Variants in SLC8A2 observed in about 807,000 individuals in gnomAD.
SLC8A2 encodes the protein sodium/calcium exchanger 2.
A neutral mutation model predicts 70.2 loss-of-function variants in SLC8A2; 14 were observed. The ratio of observed to expected loss-of-function variants is 0.20; its 90% CI spans 0.13 to 0.31. SLC8A2 has a LOEUF of 0.31. Ranked by LOEUF, SLC8A2 falls within the 10% of genes least tolerant of loss-of-function variation. The pLI, the probability that SLC8A2 is intolerant of heterozygous loss-of-function variation, is 1.00. For synonymous variants in SLC8A2, 575 were observed against 594.3 expected, an observed-to-expected ratio of 0.97 and a Z score of 0.47; for missense variants, 779 against 1,320.1, an observed-to-expected ratio of 0.59 and a Z score of 6.35.
rs762328000 is a variant in SLC8A2 at position 47,441,154 on chromosome 19, G to T, written c.1885+15C>A. 3.1e-6 allele frequency: 5 copies of T among 1,613,472 alleles called. No homozygotes were observed. The highest frequency in any genetic ancestry group is 3.4e-6 in the Non-Finnish European group (4 of 1,179,486). ...GGCTCCTCCCCACTCAGAGCCCAGA[G>T]GTGACTTCACTCACCTTGATTGAGT... On this transcript the variant is annotated intron_variant, in intron 6 of 9. Coordinates refer to ENST00000236877, the MANE Select transcript of SLC8A2 (RefSeq NM_015063.3).
intron 3 of SLC8A2, 49 bp downstream of exon 3, chr19:47,456,881 C>T: frequency 1.3e-6 from 2 of 1,510,950 alleles, no homozygotes; most frequent in Non-Finnish European, 1.8e-6. Flanking sequence ...ACGGCGGGAC[C>T]CACGGCCTGC....
intron 6 of SLC8A2, among the ~76,000 whole-genome samples, chr19:47,438,668 A>G (rs1006966253): frequency 6.6e-6 from 1 of 152,056 alleles, no homozygotes; most frequent in Non-Finnish European, 1.5e-5. Context: ...TGTGGCCCCA[A>G]ATGGAAGCCT....
Position 47,470,851 on chromosome 19 carries a change from G to A in SLC8A2, c.-17+938C>T, listed in dbSNP as rs116544767. 2.6e-3 allele frequency among the ~76,000 whole-genome samples: 401 copies of A among 152,218 alleles called. 1 individual carries two copies. Among genetic ancestry groups the A allele is most frequent in the African/African-American group, 9.0e-3 (372 of 41,526 alleles). On this transcript the variant is annotated intron_variant, in intron 1 of 9. Coordinates refer to ENST00000236877, the MANE Select transcript of SLC8A2 (RefSeq NM_015063.3). ...CAGGGGGAGGTGGGCTCGGTCCTCA[G>A]GGGAGAGCTGGGGTGGGTGCCGGCT...
In SLC8A2 at chr19:47,447,401, G is replaced by C; in HGVS notation, c.1763+408C>G. The C allele has an allele frequency of 4.3e-6, 1 of 233,110 alleles. No homozygotes were observed. Among genetic ancestry groups the C allele is most frequent in the South Asian group, 5.6e-5 (1 of 17,888 alleles). The allele number at this position is 233,110 out of a possible 1,614,324, so 14.4% of individuals were successfully genotyped here. ...GCCCCGTCCCATCTCTCCTCACCTC[G>C]TCCCCCCTTCCTCCTTGGGGCCCTC... On this transcript the variant is annotated intron_variant, in intron 4 of 9. Coordinates refer to ENST00000236877, the MANE Select transcript of SLC8A2 (RefSeq NM_015063.3). This position sits in a 1 kb window ranked among gnomAD's most constrained non-coding sequence, Gnocchi z 5.1.
In SLC8A2 at chr19:47,429,993, C is replaced by G. The variant is rs917161972; in HGVS notation, c.*96G>C. ...GAGGCCGAGTCCCAGGAGAGGAGGC[C>G]GAGTCTGGGGGGAAAAGGAGACCAG... On this transcript the variant is annotated 3_prime_UTR_variant, in exon 10 of 10. Transcript: ENST00000236877. 7.6e-7 allele frequency: 1 copy of G among 1,318,844 alleles called. No homozygotes were observed. The allele number at this position is 1,318,844 out of a possible 1,614,324, so 81.7% of individuals were successfully genotyped here.
chr19:47,447,537 C>G lies in SLC8A2; in HGVS notation c.1763+272G>C. On this transcript the variant is annotated intron_variant, in intron 4 of 9. Coordinates refer to ENST00000236877, the MANE Select transcript of SLC8A2 (RefSeq NM_015063.3). This position sits in a 1 kb window ranked among gnomAD's most constrained non-coding sequence, Gnocchi z 5.1. Reference sequence around the variant, plus strand: ...CAGCACACCTAGGCCCCGCCCCTCCCGAGGCCAAGCCCACTTTGGAGAACG... The same window carrying G: ...CAGCACACCTAGGCCCCGCCCCTCCGGAGGCCAAGCCCACTTTGGAGAACG... 1 of 476,704 alleles carries G rather than the reference C, an allele frequency of 2.1e-6. No individual in the cohort carries two copies. The highest frequency in any genetic ancestry group is 2.6e-5 in the South Asian group (1 of 39,088). 29.5% of individuals were successfully genotyped at this position (476,704 alleles called of 1,614,324 possible).
rs749167087 is a variant in SLC8A2, at chr19:47,448,282, T to G, written c.1341-51A>C. Reference sequence around the variant, plus strand: ...AGCGGGGTGAGGGTCGGTCATCGGCTGTGTGTTGTACGGGGGGAGTCTGGA... The same window carrying G: ...AGCGGGGTGAGGGTCGGTCATCGGCGGTGTGTTGTACGGGGGGAGTCTGGA... On this transcript the variant is annotated intron_variant, in intron 3 of 9. Transcript: ENST00000236877. This position sits in a 1 kb window ranked among gnomAD's most constrained non-coding sequence, Gnocchi z 4.8. 1 of 1,446,682 alleles carries G rather than the reference T, an allele frequency of 6.9e-7. No individual in the cohort carries two copies. Among genetic ancestry groups the G allele is most frequent in the Non-Finnish European group, 9.4e-7 (1 of 1,059,268 alleles). The allele number at this position is 1,446,682 out of a possible 1,614,324, so 89.6% of individuals were successfully genotyped here.
chr19:47,463,423 G>A (rs1344503930), intron 2 of SLC8A2, among the ~76,000 whole-genome samples: 1 of 146,714 alleles, frequency 6.8e-6, no homozygotes, highest in Non-Finnish European at 1.5e-5. Flanking sequence ...GTGAGCCACA[G>A]CACCCGGCCC....
At chr19:47,438,565 C>T (rs542619124) in intron 6 of SLC8A2, among the ~76,000 whole-genome samples, 13 of 152,040 alleles carry the variant, frequency 8.6e-5, no homozygotes, top group South Asian at 2.1e-4. Context: ...GTCCTGAGCT[C>T]GCTTCTCTCC....
rs768194434 is a variant in SLC8A2 at position 47,437,574 on chromosome 19, G to A, written c.2011-13C>T. On this transcript the variant is annotated splice_polypyrimidine_tract_variant and intron_variant, in intron 7 of 9. Transcript: ENST00000236877. ...TATCCACCGTGTTCTGGGGATGAGA[G>A]GGTGGGGGAGAGGTCACTGCCCCTG... 4 of 1,597,232 alleles carry A rather than the reference G, an allele frequency of 2.5e-6. No individual in the cohort carries two copies. Among genetic ancestry groups the A allele is most frequent in the African/African-American group, 1.3e-5 (1 of 74,588 alleles).
chr19:47,467,051 C>T (rs548089333), intron 1 of SLC8A2, among the ~76,000 whole-genome samples: 2 of 152,228 alleles, frequency 1.3e-5, no homozygotes, highest in African/African-American at 4.8e-5. Flanking sequence ...AGTGAGACTT[C>T]ATCTCAAATA....
intron 3 of SLC8A2, among the ~76,000 whole-genome samples, chr19:47,453,640 C>A (rs1967270491): frequency 6.6e-6 from 1 of 152,186 alleles, no homozygotes; most frequent in South Asian, 2.1e-4. Flanking sequence ...GTGGCTCACA[C>A]CTGTAATCCC....
At chr19:47,470,536 C>T (rs1404314369) in intron 1 of SLC8A2, among the ~76,000 whole-genome samples, 1 of 152,116 alleles carries the variant, frequency 6.6e-6, no homozygotes, top group Non-Finnish European at 1.5e-5. Flanking sequence ...GAGGCTGGCA[C>T]ACCAGGAAAG....
At position 47,447,892 on chromosome 19, in the gene SLC8A2, G is replaced by C; in HGVS notation, c.1680C>G (p.Arg560=). 1 of 1,591,014 alleles carries C rather than the reference G, an allele frequency of 6.3e-7. No homozygotes were observed. Among genetic ancestry groups the C allele is most frequent in the Non-Finnish European group, 8.5e-7 (1 of 1,171,326 alleles). The stretch of plus-strand genomic sequence containing the variant: ...CGCCGCGCGCCGTGCCGTCCACCGT[G>C]CGGTAGGGAAGGCGCACGGTGCCGC... The part of the protein sequence containing the change: ...GARGTVRLPY[R]TVDGTARGGG... Residue 560 remains arginine (R), a synonymous_variant, in exon 4 of 10, where the codon CGC becomes CGG. Transcript: ENST00000236877. The surrounding 1 kb of genome is among the most constrained non-coding windows in gnomAD (Gnocchi z 5.1).
In SLC8A2 at chr19:47,447,011, G is replaced by C. The variant is rs1967171557; in HGVS notation, c.1763+798C>G. Reference sequence around the variant, plus strand: ...CCAGTGTCTCCCCAGGCCCTGCCCTGCCTTCCCAGGCCCCCAGATTCCAGC... The same window carrying C: ...CCAGTGTCTCCCCAGGCCCTGCCCTCCCTTCCCAGGCCCCCAGATTCCAGC... On this transcript the variant is annotated intron_variant, in intron 4 of 9. Coordinates refer to ENST00000236877, the MANE Select transcript of SLC8A2 (RefSeq NM_015063.3). This position sits in a 1 kb window ranked among gnomAD's most constrained non-coding sequence, Gnocchi z 5.1. Among the ~76,000 whole-genome samples the C allele has an allele frequency of 6.7e-6, 1 of 149,970 alleles. No homozygotes were observed. Among genetic ancestry groups the C allele is most frequent in the Non-Finnish European group, 1.5e-5 (1 of 67,390 alleles).
intron 2 of SLC8A2, among the ~76,000 whole-genome samples, chr19:47,460,826 A>G (rs552396099): frequency 3.3e-5 from 5 of 152,320 alleles, no homozygotes; most frequent in Admixed American, 2.6e-4. Context: ...GCACATGGAA[A>G]GCATCCACCA....
chr19:47,430,194 G>C lies in SLC8A2; in HGVS notation c.2661C>G (p.Gly887=), dbSNP rs754678651. ...TGGTGGCGAGCTTGGGTCCGCGCGG[G>C]CCGCCCAGCTCGCCGCCGATGTGCG... ...RRPHIGGELG[G]PRGPKLATTA... Residue 887 remains glycine (G), a synonymous_variant, in exon 10 of 10, where the codon GGC becomes GGG. Coordinates refer to ENST00000236877, the MANE Select transcript of SLC8A2 (RefSeq NM_015063.3). The surrounding 1 kb of genome is among the most constrained non-coding windows in gnomAD (Gnocchi z 5.9). The C allele has an allele frequency of 1.9e-6, 3 of 1,602,430 alleles. No individual in the cohort carries two copies. Among genetic ancestry groups the C allele is most frequent in the Non-Finnish European group, 2.6e-6 (3 of 1,174,608 alleles).
Position 47,432,934 on chromosome 19 carries a change from T to TA in SLC8A2, c.2111-490dup, listed in dbSNP as rs1174021377. On this transcript the variant is annotated intron_variant, in intron 8 of 9. Transcript: ENST00000236877. The surrounding 1 kb of genome is among the most constrained non-coding windows in gnomAD (Gnocchi z 6.2). Reference sequence around the variant, plus strand: ...ACCTAAATGTGGCCAAGTCAGCAGCTAAAACCCATTACTTTCCCAGAATCC... The same window carrying TA: ...ACCTAAATGTGGCCAAGTCAGCAGCTAAAAACCCATTACTTTCCCAGAATCC... Among the ~76,000 whole-genome samples the TA allele has an allele frequency of 2.0e-5, 3 of 151,990 alleles. No homozygotes were observed. Among genetic ancestry groups the TA allele is most frequent in the Non-Finnish European group, 4.4e-5 (3 of 68,002 alleles).
At chr19:47,452,479 T>C (rs1250885463) in intron 3 of SLC8A2, among the ~76,000 whole-genome samples, 1 of 150,086 alleles carries the variant, frequency 6.7e-6, no homozygotes, top group Non-Finnish European at 1.5e-5. Context: ...TGTGTGTGTG[T>C]GTGTGTGTGT....
Sources: allele counts gnomAD v4.1 joint callset (sites outside exome capture counted in the v4.1 genomes callset), GRCh38; gene constraint gnomAD v4.1.1; non-coding constraint Gnocchi (gnomAD v3.1); transcripts MANE v1.5; gene names NCBI Gene and HGNC (gene_info 2026-07-23, HGNC 2026-07-21).